CSRNP3: variants seen among roughly 807,000 people sequenced by gnomAD.
CSRNP3 encodes the protein cysteine/serine-rich nuclear protein 3.
In CSRNP3, 12 loss-of-function variants were observed where a neutral mutation model predicts 48.0. The observed-to-expected ratio is 0.25, with a 90% CI of 0.16 to 0.41. The LOEUF (loss-of-function observed/expected upper bound fraction) is 0.41, where lower values mean the gene tolerates loss of function less well. Ranked by LOEUF, CSRNP3 falls within the 10% of genes least tolerant of loss-of-function variation. The pLI, the probability that CSRNP3 is intolerant of heterozygous loss-of-function variation, is 1.00. For synonymous variants in CSRNP3, 263 were observed against 269.7 expected, an observed-to-expected ratio of 0.98 and a Z score of 0.24; for missense variants, 580 against 724.4, an observed-to-expected ratio of 0.80 and a Z score of 2.29.
intron 5 of CSRNP3, among the ~76,000 whole-genome samples, chr2:165,674,221 G>A (rs1687382179): frequency 6.6e-6 from 1 of 152,052 alleles, no homozygotes; most frequent in African/African-American, 2.4e-5. Context: ...TCAGGACTTT[G>A]CTGAGGTTCA....
chr2:165,514,870 G>A (rs748496663), intron 2 of CSRNP3, among the ~76,000 whole-genome samples: 1 of 152,062 alleles, frequency 6.6e-6, no homozygotes, highest in Non-Finnish European at 1.5e-5. Context: ...CTTCCTTTTC[G>A]GTAGACTTCA....
chr2:165,643,135 G>A (rs534114283), intron 4 of CSRNP3, among the ~76,000 whole-genome samples: 1 of 152,234 alleles, frequency 6.6e-6, no homozygotes, highest in African/African-American at 2.4e-5. Flanking sequence ...TAACACATGT[G>A]TATTGAATAT....
At chr2:165,663,465 C>T (rs1293313566) in intron 5 of CSRNP3, among the ~76,000 whole-genome samples, 1 of 152,196 alleles carries the variant, frequency 6.6e-6, no homozygotes, top group Non-Finnish European at 1.5e-5. Context: ...ACATACACAA[C>T]CTATTTTGAC....
At chr2:165,635,135 C>T (rs1326919339) in intron 4 of CSRNP3, among the ~76,000 whole-genome samples, 7 of 152,218 alleles carry the variant, frequency 4.6e-5, no homozygotes, top group Non-Finnish European at 8.8e-5. Flanking sequence ...AGCCCTGCAG[C>T]AGCAGATCTG....
chr2:165,638,086 A>C (rs1686661632), intron 4 of CSRNP3, among the ~76,000 whole-genome samples: 1 of 152,162 alleles, frequency 6.6e-6, no homozygotes, highest in African/African-American at 2.4e-5. Flanking sequence ...TTACTCAACC[A>C]TTTCTATGAA....
chr2:165,634,206 G>A (rs1686589805), intron 4 of CSRNP3, among the ~76,000 whole-genome samples: 1 of 151,926 alleles, frequency 6.6e-6, no homozygotes, highest in African/African-American at 2.4e-5. Context: ...CAGGCATGAT[G>A]GTGTGTGCCT....
chr2:165,632,745 C>T (rs773793882), intron 4 of CSRNP3, among the ~76,000 whole-genome samples: 3 of 152,080 alleles, frequency 2.0e-5, no homozygotes, highest in Non-Finnish European at 4.4e-5. Flanking sequence ...ATGGCATGCC[C>T]CATGATTCAC....
chr2:165,471,003 T>C (rs1005013795), intron 1 of CSRNP3, among the ~76,000 whole-genome samples: 1 of 151,852 alleles, frequency 6.6e-6, no homozygotes, highest in African/African-American at 2.4e-5. Flanking sequence ...CAAATTTTTT[T>C]ATTTATTGTA....
chr2:165,492,460 T>C (rs948806437), intron 1 of CSRNP3, among the ~76,000 whole-genome samples: 2 of 152,110 alleles, frequency 1.3e-5, no homozygotes, highest in Admixed American at 1.3e-4. Context: ...TGTCCTAGAC[T>C]GCTTTTCCCT....
intron 1 of CSRNP3, among the ~76,000 whole-genome samples, chr2:165,484,873 A>C (rs1007989938): frequency 5.9e-5 from 9 of 152,196 alleles, no homozygotes; most frequent in African/African-American, 2.2e-4. Flanking sequence ...AAACTAGAAT[A>C]AAACAATTCC....
chr2:165,509,599 A>G (rs1684474849), intron 2 of CSRNP3, among the ~76,000 whole-genome samples: 1 of 152,220 alleles, frequency 6.6e-6, no homozygotes. Context: ...GCTTTTTACA[A>G]TAAGCATTTT....
chr2:165,557,341 A>G (rs1205750234), intron 3 of CSRNP3, among the ~76,000 whole-genome samples: 2 of 152,238 alleles, frequency 1.3e-5, no homozygotes, highest in African/African-American at 2.4e-5. Flanking sequence ...GACGGCAACC[A>G]TATGTTTTGC....
rs1558975885 is a variant in CSRNP3, at chr2:165,684,576, G to GTATTA, written c.*4823_*4824insTATTA. On this transcript the variant is annotated 3_prime_UTR_variant, in exon 7 of 7. Coordinates refer to ENST00000651982, the MANE Select transcript of CSRNP3 (RefSeq NM_001172173.2). ...TTAAAGGCTTGATTACTCTATATTA[G>GTATTA]GTCTAATATGAATTTTCACCTTCTG... 2.2e-4 allele frequency: 33 copies of GTATTA among 151,566 alleles called. No individual in the cohort carries two copies. Among genetic ancestry groups the GTATTA allele is most frequent in the African/African-American group, 7.7e-4 (32 of 41,400 alleles). 9.4% of individuals were successfully genotyped at this position (151,566 alleles called of 1,614,324 possible).
At chr2:165,543,130 G>A (rs1310165591) in intron 3 of CSRNP3, among the ~76,000 whole-genome samples, 1 of 152,018 alleles carries the variant, frequency 6.6e-6, no homozygotes, top group African/African-American at 2.4e-5. Context: ...TTAATTTGAG[G>A]CCTTGGGATT....
At chr2:165,652,733 G>A (rs568707991) in intron 4 of CSRNP3, among the ~76,000 whole-genome samples, 4 of 151,954 alleles carry the variant, frequency 2.6e-5, no homozygotes, top group African/African-American at 9.6e-5. Flanking sequence ...TGGCAGAGAT[G>A]GGGTTTCGCC....
chr2:165,574,174 C>A (rs1685411849), intron 3 of CSRNP3: 1 of 500,332 alleles, frequency 2.0e-6, no homozygotes, highest in Non-Finnish European at 3.6e-6. Flanking sequence ...ACCCAGCATT[C>A]CGTTTCAGCT....
At chr2:165,551,622 G>T (rs1304470216) in intron 3 of CSRNP3, among the ~76,000 whole-genome samples, 2 of 152,106 alleles carry the variant, frequency 1.3e-5, no homozygotes, top group Non-Finnish European at 2.9e-5. Context: ...TAGAAAGCTG[G>T]GAGAACAAAG....
intron 4 of CSRNP3, among the ~76,000 whole-genome samples, chr2:165,621,170 G>A (rs572193010): frequency 3.3e-5 from 5 of 152,068 alleles, no homozygotes; most frequent in South Asian, 2.1e-4. Context: ...GTTAGCAGTC[G>A]TGGGTCATTG....
At chr2:165,661,969 T>C (rs1687104442) in intron 5 of CSRNP3, among the ~76,000 whole-genome samples, 1 of 152,158 alleles carries the variant, frequency 6.6e-6, no homozygotes, top group African/African-American at 2.4e-5. Context: ...CCACTGTCCC[T>C]CTGTATCTTT....
Sources: allele counts gnomAD v4.1 joint callset (sites outside exome capture counted in the v4.1 genomes callset), GRCh38; gene constraint gnomAD v4.1.1; transcripts MANE v1.5; gene names NCBI Gene and HGNC (gene_info 2026-07-23, HGNC 2026-07-21).